The following KLHL29 variants were observed in gnomAD, a reference collection of about 807,000 sequenced individuals.
KLHL29 encodes the protein kelch-like protein 29.
In KLHL29, 21 loss-of-function variants were observed where a neutral mutation model predicts 80.4. That is an observed-to-expected ratio of 0.26 (90% confidence interval 0.19 to 0.38). The LOEUF (loss-of-function observed/expected upper bound fraction) is 0.38. Ranked by LOEUF, KLHL29 falls within the 10% of genes least tolerant of loss-of-function variation. The pLI is 1.00. For synonymous variants in KLHL29, 511 were observed against 526.8 expected (o/e 0.97, Z 0.41); for missense variants, 867 against 1,223.9 (o/e 0.71, Z 4.35).
At chr2:23,598,894 G>C (rs1285691944) in intron 3 of KLHL29, among the ~76,000 whole-genome samples, 1 of 152,228 alleles carries the variant, frequency 6.6e-6, no homozygotes, top group Non-Finnish European at 1.5e-5. Context: ...GCCCTCTTCG[G>C]CCCCAGAAGG....
chr2:23,417,419 C>T (rs1667002629), intron 1 of KLHL29, among the ~76,000 whole-genome samples: 1 of 152,204 alleles, frequency 6.6e-6, no homozygotes, highest in African/African-American at 2.4e-5. Flanking sequence ...CAGGTGAGCA[C>T]AATTCACATA....
At chr2:23,593,446 C>T (rs1420654733) in intron 3 of KLHL29, among the ~76,000 whole-genome samples, 1 of 152,150 alleles carries the variant, frequency 6.6e-6, no homozygotes. Context: ...TCCCCAAGCC[C>T]GGTCTCCAGG....
chr2:23,598,533 A>T (rs539839547), intron 3 of KLHL29, among the ~76,000 whole-genome samples: 1 of 152,332 alleles, frequency 6.6e-6, no homozygotes, highest in South Asian at 2.1e-4. Flanking sequence ...TGCTACAGCC[A>T]TGGACAGCTG....
chr2:23,534,875 T>C (rs1213787354), intron 2 of KLHL29, among the ~76,000 whole-genome samples: 4 of 152,238 alleles, frequency 2.6e-5, no homozygotes, highest in African/African-American at 9.6e-5. Flanking sequence ...TAGAACCCCC[T>C]GCAGGCTTTT....
intron 3 of KLHL29, among the ~76,000 whole-genome samples, chr2:23,630,427 G>A (rs1033761506): frequency 6.6e-6 from 1 of 152,216 alleles, no homozygotes; most frequent in Non-Finnish European, 1.5e-5. Context: ...TGAAGGTCTT[G>A]TGATAAAATA....
At chr2:23,497,069 A>G (rs1665288252) in intron 2 of KLHL29, among the ~76,000 whole-genome samples, 2 of 151,954 alleles carry the variant, frequency 1.3e-5, no homozygotes, top group Non-Finnish European at 2.9e-5. Context: ...GGAAAAAAAA[A>G]AAAAACTATG....
At chr2:23,652,176 C>T (rs1670105279) in intron 5 of KLHL29, among the ~76,000 whole-genome samples, 1 of 152,212 alleles carries the variant, frequency 6.6e-6, no homozygotes, top group South Asian at 2.1e-4. Flanking sequence ...GCACTTTTGC[C>T]ATTTTTATCC....
At chr2:23,568,257 G>T (rs1237547599) in intron 3 of KLHL29, among the ~76,000 whole-genome samples, 2 of 152,192 alleles carry the variant, frequency 1.3e-5, no homozygotes, top group African/African-American at 4.8e-5. Context: ...ATTGACTGGA[G>T]CCAGTTGTGT....
intron 2 of KLHL29, among the ~76,000 whole-genome samples, chr2:23,549,387 G>T (rs527405909): frequency 2.0e-5 from 3 of 152,152 alleles, no homozygotes; most frequent in African/African-American, 4.8e-5. Flanking sequence ...GTCAACAGAG[G>T]CTGCCTCGTT....
At chr2:23,665,968 G>A (rs934640808) in intron 5 of KLHL29, among the ~76,000 whole-genome samples, 1 of 152,228 alleles carries the variant, frequency 6.6e-6, no homozygotes, top group South Asian at 2.1e-4. Context: ...GTCCATGGGG[G>A]ACACTGTCCA....
chr2:23,529,869 G>T (rs1014473959), intron 2 of KLHL29, among the ~76,000 whole-genome samples: 1 of 152,220 alleles, frequency 6.6e-6, no homozygotes, highest in South Asian at 2.1e-4. Flanking sequence ...AGGCTTGCCC[G>T]TTGCAGTATC....
chr2:23,505,252 G>A (rs1046681664), intron 2 of KLHL29, among the ~76,000 whole-genome samples: 4 of 152,216 alleles, frequency 2.6e-5, no homozygotes, highest in Non-Finnish European at 5.9e-5. Flanking sequence ...GTGATGCAGG[G>A]TGTCAGAGGA....
chr2:23,646,027 G>A (rs1258658380), intron 5 of KLHL29, among the ~76,000 whole-genome samples: 4 of 149,678 alleles, frequency 2.7e-5, no homozygotes, highest in Non-Finnish European at 4.5e-5. Context: ...AACAATTTGG[G>A]GGTGGGAGCA....
chr2:23,512,305 C>T (rs932497765), intron 2 of KLHL29, among the ~76,000 whole-genome samples: 1 of 152,078 alleles, frequency 6.6e-6, no homozygotes, highest in Non-Finnish European at 1.5e-5. Flanking sequence ...ATTAGCTGGG[C>T]ATGGTGGCAT....
At chr2:23,395,618 G>T (rs1048479666) in intron 1 of KLHL29, among the ~76,000 whole-genome samples, 1 of 152,154 alleles carries the variant, frequency 6.6e-6, no homozygotes, top group Non-Finnish European at 1.5e-5. Flanking sequence ...GGTGGCATGC[G>T]CCTGTAATCC....
chr2:23,436,006 A>G (rs1452269545), intron 1 of KLHL29, among the ~76,000 whole-genome samples: 1 of 148,712 alleles, frequency 6.7e-6, no homozygotes, highest in African/African-American at 2.5e-5. Flanking sequence ...CGAGACCCTC[A>G]TCCTCCGGCT....
chr2:23,561,716 C>G (rs955989720), intron 2 of KLHL29, among the ~76,000 whole-genome samples: 1 of 152,100 alleles, frequency 6.6e-6, no homozygotes, highest in African/African-American at 2.4e-5. Flanking sequence ...AGGGCTTTGT[C>G]CACTATAAAG....
intron 2 of KLHL29, chr2:23,523,932 C>T (rs777343648): frequency 4.3e-6 from 2 of 465,496 alleles, no homozygotes; most frequent in Admixed American, 2.4e-5. Context: ...GAAAGAGGGA[C>T]CTTGAAGTAA....
chr2:23,456,780 A>G (rs1237034940), intron 1 of KLHL29, among the ~76,000 whole-genome samples: 2 of 152,236 alleles, frequency 1.3e-5, no homozygotes, highest in Non-Finnish European at 1.5e-5. Context: ...GGGGGTAGCT[A>G]TGCCTGCACT....
Sources: gnomAD v4.1 joint callset for allele counts (sites outside exome capture counted in the v4.1 genomes callset) on GRCh38, gnomAD v4.1.1 for gene constraint, MANE v1.5 for transcripts, NCBI Gene and HGNC (gene_info 2026-07-23, HGNC 2026-07-21) for gene names.